FAP: variants seen among roughly 807,000 people sequenced by gnomAD.
FAP encodes prolyl endopeptidase FAP.
In FAP, 110 loss-of-function variants were observed where a neutral mutation model predicts 126.5. The observed-to-expected ratio is 0.87, with a 90% CI of 0.74 to 1.02. FAP has a LOEUF of 1.02. Ranked by LOEUF, FAP falls within the 50% of genes least tolerant of loss-of-function variation. The pLI is 0.00. For missense variants in FAP, 919 were observed against 909.2 expected, an observed-to-expected ratio of 1.01 and a Z score of -0.14; for synonymous variants, 334 against 297.3, an observed-to-expected ratio of 1.12 and a Z score of -1.27.
At chr2:162,173,952 G>A (rs1687399911) in intron 22 of FAP, among the ~76,000 whole-genome samples, 165 bp from the exon 23 acceptor site, 1 of 152,106 alleles carries the variant, frequency 6.6e-6, no homozygotes, top group Non-Finnish European at 1.5e-5. Flanking sequence ...AAGAATATGT[G>A]TCATCTCTGC....
Position 162,194,628 on chromosome 2 carries a change from C to T in FAP, c.1450+73G>A, listed in dbSNP as rs1001569679. On this transcript the variant is annotated intron_variant, in intron 17 of 25. Transcript: ENST00000188790. ...TTGGTGGTGTGGAGAAACTGTCCTG[C>T]TTTCTCTAGCGGAGCATCACAGAGA... The T allele has an allele frequency of 3.6e-6, 5 of 1,371,272 alleles. No individual in the cohort carries two copies. In the African/African-American group the frequency reaches 7.1e-5, roughly 20 times the overall value. The allele number at this position is 1,371,272 out of a possible 1,614,324, so 84.9% of individuals were successfully genotyped here.
At chr2:162,215,829 T>C in intron 10 of FAP, 69 bp downstream of exon 10, 1 of 1,085,730 alleles carries the variant, frequency 9.2e-7, no homozygotes, top group Non-Finnish European at 1.4e-6. Flanking sequence ...TGTTTTTGCT[T>C]CTAGCATGCA....
chr2:162,221,113 T>C (rs187240430), intron 6 of FAP, among the ~76,000 whole-genome samples: 181 of 152,130 alleles, frequency 1.2e-3, no homozygotes, highest in African/African-American at 4.1e-3. Flanking sequence ...TAGTTTTGAG[T>C]GGGGAGAGTG....
Position 162,215,948 on chromosome 2 carries a change from A to G in FAP, c.816T>C (p.Pro272=). The G allele has an allele frequency of 6.2e-7, 1 of 1,614,134 alleles. No individual in the cohort carries two copies. Among genetic ancestry groups the G allele is most frequent in the Non-Finnish European group, 8.5e-7 (1 of 1,179,988 alleles). The change falls in exon 10 of 26, where the codon CCT becomes CCC. Residue 272 remains proline (P), a synonymous_variant. Transcript: ENST00000188790. The part of the protein sequence containing the change: ...VRIFIIDTTY[P]AYVGPQEVPV... ...GCACTTCCTGGGGACCTACATACGC[A>G]GGGTAAGTGGTATCGATAATAAATA...
At chr2:162,213,035 A>G (rs1689007752) in intron 11 of FAP, among the ~76,000 whole-genome samples, 1 of 152,214 alleles carries the variant, frequency 6.6e-6, no homozygotes, top group Non-Finnish European at 1.5e-5. Flanking sequence ...GAATAATTTG[A>G]TCTAATATCT....
chr2:162,200,136 G>C (rs1688438330), intron 15 of FAP, among the ~76,000 whole-genome samples: 2 of 152,220 alleles, frequency 1.3e-5, no homozygotes, highest in South Asian at 4.1e-4. Context: ...CAACTGGACT[G>C]AATGTAAACA....
intron 16 of FAP, chr2:162,198,170 A>G: frequency 7.8e-7 from 1 of 1,286,670 alleles, no homozygotes; most frequent in Non-Finnish European, 1.0e-6. Context: ...TATTTGATGC[A>G]TTACTTACGA....
At chr2:162,227,857 G>A (rs769984081) in intron 2 of FAP, among the ~76,000 whole-genome samples, 1 of 152,002 alleles carries the variant, frequency 6.6e-6, no homozygotes, top group Non-Finnish European at 1.5e-5. Context: ...CTCCTTTAAT[G>A]CTCAATCCAA....
rs1190930115 is a variant in FAP, at chr2:162,229,614, A to G, written c.92-2993T>C. On this transcript the variant is annotated intron_variant, in intron 2 of 25. Transcript: ENST00000188790. ...AAAACATAAAAAACAACAGTTTCAA[A>G]TTACTTTTTAAATACCTACTCATTT... Among the ~76,000 whole-genome samples, 12 of 152,182 alleles carry G rather than the reference A, an allele frequency of 7.9e-5. 1 individual carries two copies. The highest frequency in any genetic ancestry group is 1.8e-4 in the Non-Finnish European group (12 of 68,004).
chr2:162,178,785 C>T (rs1055585961), intron 21 of FAP, among the ~76,000 whole-genome samples: 8 of 152,180 alleles, frequency 5.3e-5, no homozygotes, highest in Non-Finnish European at 1.2e-4. Flanking sequence ...TTCCCAAACT[C>T]CTATACTGTC....
chr2:162,223,380 T>C (rs1689497259), intron 6 of FAP, among the ~76,000 whole-genome samples: 1 of 152,178 alleles, frequency 6.6e-6, no homozygotes, highest in African/African-American at 2.4e-5. Context: ...TCCAAAACTA[T>C]ATTGTGAATA....
At chr2:162,242,584 T>C (rs975286689) in intron 2 of FAP, among the ~76,000 whole-genome samples, 3 of 152,176 alleles carry the variant, frequency 2.0e-5, no homozygotes, top group Non-Finnish European at 4.4e-5. Context: ...AAAAGCAATG[T>C]TAGTTAAAAA....
intron 17 of FAP, among the ~76,000 whole-genome samples, chr2:162,191,349 C>A (rs1478773647): frequency 6.6e-6 from 1 of 151,994 alleles, no homozygotes; most frequent in Non-Finnish European, 1.5e-5. Flanking sequence ...TGGATAGTGA[C>A]TGGGCAATTT....
chr2:162,225,363 A>G, intron 4 of FAP, 120 bp downstream of exon 4: 1 of 1,254,928 alleles, frequency 8.0e-7, no homozygotes, highest in Middle Eastern at 1.9e-4. Flanking sequence ...ACTCTAGTGG[A>G]GTATGGAGCT....
Position 162,238,143 on chromosome 2 carries a change from A to G in FAP, c.91+4765T>C, listed in dbSNP as rs377706119. ...TTGGAAAAATTTTCTCTCATTCTGT[A>G]GGTTGCCTGTTCACTCTAATGCTAG... On this transcript the variant is annotated intron_variant, in intron 2 of 25. Transcript: ENST00000188790. Among the ~76,000 whole-genome samples the G allele has an allele frequency of 3.3e-5, 5 of 151,972 alleles. No homozygotes were observed. In the East Asian group the frequency reaches 9.7e-4, roughly 29 times the overall value.
chr2:162,183,446 T>C lies in FAP; in HGVS notation c.1837A>G (p.Ile613Val), dbSNP rs1308764926. The C allele has an allele frequency of 2.5e-6, 4 of 1,610,280 alleles. No homozygotes were observed. Among genetic ancestry groups the C allele is most frequent in the Non-Finnish European group, 3.4e-6 (4 of 1,177,612 alleles). Reference sequence around the variant, plus strand: ...CATATGGCTATTCTTTTTTCATCAATGAAACCCATTTCTATGAATTTTCTA... The same window carrying C: ...CATATGGCTATTCTTTTTTCATCAACGAAACCCATTTCTATGAATTTTCTA... ...AVRKFIEMGF[I>V]DEKRIAIWGW... The change falls in exon 21 of 26, where the codon ATT becomes GTT. Residue 613 changes from isoleucine to valine, a missense_variant. Physicochemically the swap from Ile to Val is conservative, Grantham distance 29. Coordinates refer to ENST00000188790, the MANE Select transcript of FAP (RefSeq NM_004460.5).
intron 8 of FAP, 72 bp from the exon 9 acceptor site, chr2:162,218,212 T>A: frequency 1.0e-6 from 1 of 990,308 alleles, no homozygotes; most frequent in East Asian, 2.7e-5. Context: ...TACTTCTAAA[T>A]AGCTATTTAT....
intron 6 of FAP, among the ~76,000 whole-genome samples, chr2:162,220,902 A>G (rs1027513221): frequency 2.0e-5 from 3 of 152,314 alleles, no homozygotes; most frequent in Non-Finnish European, 4.4e-5. Flanking sequence ...GCCCAAGCAC[A>G]ATTTGAAGAG....
chr2:162,198,179 G>C, intron 16 of FAP: 1 of 1,287,334 alleles, frequency 7.8e-7, no homozygotes, highest in Non-Finnish European at 1.0e-6. Context: ...CATTACTTAC[G>C]ATGTTTTCCA....
Sources: allele counts gnomAD v4.1 joint callset (sites outside exome capture counted in the v4.1 genomes callset), GRCh38; gene constraint gnomAD v4.1.1; transcripts MANE v1.5; gene names NCBI Gene and HGNC (gene_info 2026-07-23, HGNC 2026-07-21).